Variants in DIPK1C observed in about 807,000 individuals in gnomAD.
The protein encoded by DIPK1C is divergent protein kinase domain 1C, also known as familial non-conventional Alzheimer's dementia.
A neutral mutation model predicts 28.0 loss-of-function variants in DIPK1C; 33 were observed. The observed-to-expected ratio is 1.18, with a 90% confidence interval of 0.89 to 1.58. The LOEUF (loss-of-function observed/expected upper bound fraction) is 1.58, where lower values mean the gene tolerates loss of function less well. Among genes scored for constraint, DIPK1C ranks in the 40% most tolerant of loss-of-function variants. The probability of loss-of-function intolerance (pLI) is 0.00; values close to 1 mark genes in which losing one functional copy is unlikely to be tolerated. For synonymous variants in DIPK1C, 255 were observed against 248.8 expected (o/e 1.02, Z -0.23); for missense variants, 569 against 568.5 (o/e 1.00, Z -0.01).
At position 74,436,277 on chromosome 18, in the gene DIPK1C, C is replaced by A. The variant is rs907131586; in HGVS notation, c.*224G>T. ...AGCCCTCCTGAAGGGAGGTCTGTAC[C>A]TCCTCCCTCATCTCATTTTACACAA... On this transcript the variant is annotated 3_prime_UTR_variant, in exon 4 of 4. Transcript: ENST00000343998. The A allele has an allele frequency of 2.0e-5, 11 of 558,450 alleles. No individual in the cohort carries two copies. In the African/African-American group the frequency reaches 2.1e-4, roughly 11 times the overall value. 34.6% of individuals were successfully genotyped at this position (558,450 alleles called of 1,614,324 possible).
At position 74,436,388 on chromosome 18, in the gene DIPK1C, C is replaced by G; in HGVS notation, c.*113G>C. Reference sequence around the variant, plus strand: ...ACTTGCCACTCCACAATGTGGAGACCAGAACGGCACCCCAGAGAGCACAGG... The same window carrying G: ...ACTTGCCACTCCACAATGTGGAGACGAGAACGGCACCCCAGAGAGCACAGG... On this transcript the variant is annotated 3_prime_UTR_variant, in exon 4 of 4. Transcript: ENST00000343998. The G allele has an allele frequency of 1.8e-6, 2 of 1,081,470 alleles. No homozygotes were observed. The highest frequency in any genetic ancestry group is 2.6e-6 in the Non-Finnish European group (2 of 769,610). The allele number at this position is 1,081,470 out of a possible 1,614,324, so 67.0% of individuals were successfully genotyped here.
chr18:74,436,425 A>G lies in DIPK1C; in HGVS notation c.*76T>C. ...CCAGAGAGCACAGGGGAAATGGCTC[A>G]TCTTTAAAACAATGGCAGAAGAAAT... On this transcript the variant is annotated 3_prime_UTR_variant, in exon 4 of 4. Coordinates refer to ENST00000343998, the MANE Select transcript of DIPK1C (RefSeq NM_001044369.3). 4.3e-6 allele frequency: 6 copies of G among 1,389,678 alleles called. No individual in the cohort carries two copies. The highest frequency in any genetic ancestry group is 4.9e-6 in the Non-Finnish European group (5 of 1,030,372). The allele number at this position is 1,389,678 out of a possible 1,614,324, so 86.1% of individuals were successfully genotyped here.
rs373158430 is a variant in DIPK1C, at chr18:74,451,921, G to A, written c.199-4638C>T. The stretch of plus-strand genomic sequence containing the variant: ...CAACCCCAGAGTAAGTTGAAAATGC[G>A]TTTCATACACCTAACGCACTGAGCA... On this transcript the variant is annotated intron_variant, in intron 1 of 3. Transcript: ENST00000343998. Among the ~76,000 whole-genome samples the A allele has an allele frequency of 2.0e-4, 30 of 152,284 alleles. No homozygotes were observed. The East Asian group carries it at 2.9e-3, about 15-fold the overall frequency.
intron 1 of DIPK1C, among the ~76,000 whole-genome samples, chr18:74,454,303 G>A (rs1173439145): frequency 6.6e-6 from 1 of 152,210 alleles, no homozygotes. Flanking sequence ...TCCCTGGGGA[G>A]GTGGAGTGTG....
chr18:74,454,517 C>T (rs1986464321), intron 1 of DIPK1C, among the ~76,000 whole-genome samples: 1 of 152,244 alleles, frequency 6.6e-6, no homozygotes, highest in African/African-American at 2.4e-5. Context: ...GCCAGAAAGT[C>T]TCCCTTCAGC....
intron 1 of DIPK1C, among the ~76,000 whole-genome samples, chr18:74,451,686 C>A (rs917597213): frequency 6.6e-6 from 1 of 152,196 alleles, no homozygotes; most frequent in Non-Finnish European, 1.5e-5. Context: ...AACCTGCCTC[C>A]CTGACGCCTG....
upstream of DIPK1C, among the ~76,000 whole-genome samples, chr18:74,459,663 A>T (rs72975778): frequency 6.6e-6 from 1 of 152,220 alleles, no homozygotes; most frequent in African/African-American, 2.4e-5. Context: ...TAATAGCAAC[A>T]TTGGAAGTAA....
chr18:74,438,490 G>A (rs566228469), intron 3 of DIPK1C, among the ~76,000 whole-genome samples: 3 of 152,184 alleles, frequency 2.0e-5, no homozygotes, highest in South Asian at 2.1e-4. Context: ...TACACTCCCC[G>A]GCAATGTATC....
In DIPK1C at chr18:74,438,253, T is replaced by G. The variant is rs1986042441; in HGVS notation, c.1042-1534A>C. ...TGATTTAATGGCTACTTCTAAAATG[T>G]GTGCGTGTGTCGTAAGTTATTTAAC... On this transcript the variant is annotated intron_variant, in intron 3 of 3. Transcript: ENST00000343998. Among the ~76,000 whole-genome samples, 3 of 152,220 alleles carry G rather than the reference T, an allele frequency of 2.0e-5. No homozygotes were observed. The South Asian group carries it at 6.2e-4, about 31-fold the overall frequency.
intron 3 of DIPK1C, among the ~76,000 whole-genome samples, chr18:74,440,613 G>T (rs7230373): frequency 0.78 from 118,400 of 152,220 alleles, 46,359 homozygotes; most frequent in East Asian, 0.99. Context: ...GATTTCATTG[G>T]TTGTGTATTC....
intron 1 of DIPK1C, among the ~76,000 whole-genome samples, chr18:74,452,574 C>G (rs1268834042): frequency 6.6e-6 from 1 of 151,476 alleles, no homozygotes; most frequent in African/African-American, 2.4e-5. Flanking sequence ...ATGGCAAGAC[C>G]CCTGTCTCTA....
intron 2 of DIPK1C, among the ~76,000 whole-genome samples, chr18:74,445,222 C>T (rs1160947646): frequency 2.0e-5 from 3 of 152,136 alleles, no homozygotes; most frequent in Non-Finnish European, 4.4e-5. Flanking sequence ...TGGGTCGTTT[C>T]CCCCCAACAC....
At chr18:74,463,385 C>A in the DIPK1C span, among the ~76,000 whole-genome samples, 1 of 152,310 alleles carries the variant, frequency 6.6e-6, no homozygotes, top group African/African-American at 2.4e-5. Context: ...TGGTTTGTAA[C>A]CCTCTGGGAT....
chr18:74,453,450 G>C (rs775805453), intron 1 of DIPK1C, among the ~76,000 whole-genome samples: 3 of 152,196 alleles, frequency 2.0e-5, no homozygotes, highest in Non-Finnish European at 4.4e-5. Flanking sequence ...TCGCTGCTGA[G>C]AAATCTCTCT....
chr18:74,451,008 A>G (rs1986385152), intron 1 of DIPK1C, among the ~76,000 whole-genome samples: 2 of 152,168 alleles, frequency 1.3e-5, no homozygotes, highest in African/African-American at 4.8e-5. Context: ...TGCCCGGCCT[A>G]AGGTGGCTCG....
chr18:74,448,784 G>A (rs201125416), intron 1 of DIPK1C, among the ~76,000 whole-genome samples: 1 of 152,130 alleles, frequency 6.6e-6, no homozygotes, highest in Non-Finnish European at 1.5e-5. Context: ...GAGGTCAAAA[G>A]CTGGACCTCC....
rs377363765 is a variant in DIPK1C at position 74,455,826 on chromosome 18, G to A, written c.198+1236C>T. Reference sequence around the variant, plus strand: ...ACTAGAAGGGGTCAATAGAATCTATGAGTGACTCACCTATGTTCAATTCAC... The same window carrying A: ...ACTAGAAGGGGTCAATAGAATCTATAAGTGACTCACCTATGTTCAATTCAC... On this transcript the variant is annotated intron_variant, in intron 1 of 3. Coordinates refer to ENST00000343998, the MANE Select transcript of DIPK1C (RefSeq NM_001044369.3). 1.3e-4 allele frequency among the ~76,000 whole-genome samples: 19 copies of A among 151,660 alleles called. No homozygotes were observed. In the East Asian group the frequency reaches 2.5e-3, roughly 20 times the overall value.
intron 1 of DIPK1C, among the ~76,000 whole-genome samples, chr18:74,449,393 C>G (rs1406468838): frequency 6.6e-6 from 1 of 152,160 alleles, no homozygotes; most frequent in Non-Finnish European, 1.5e-5. Flanking sequence ...AAGAGAGGGA[C>G]TGGGGGCCTT....
chr18:74,458,984 G>A (rs895243294), upstream of DIPK1C, among the ~76,000 whole-genome samples: 3 of 151,832 alleles, frequency 2.0e-5, no homozygotes, highest in Non-Finnish European at 4.4e-5. Context: ...TGGGCTTGTA[G>A]TCCTAGCTGC....
Sources: allele counts gnomAD v4.1 joint callset (sites outside exome capture counted in the v4.1 genomes callset), GRCh38; gene constraint gnomAD v4.1.1; transcripts MANE v1.5; gene names NCBI Gene and HGNC (gene_info 2026-07-23, HGNC 2026-07-21).